The following MAP3K13 variants were observed in gnomAD, a reference collection of about 807,000 sequenced individuals.
MAP3K13 encodes mitogen-activated protein kinase kinase kinase 13, also known as leucine zipper-bearing kinase.
MAP3K13 carries 52 observed loss-of-function variants against 104.0 expected under a neutral mutation model. The observed-to-expected ratio is 0.50, with a 90% CI of 0.40 to 0.63. The LOEUF is 0.63. Ranked by LOEUF, MAP3K13 falls within the 20% of genes least tolerant of loss-of-function variation. The probability of loss-of-function intolerance (pLI) is 0.00; values close to 1 mark genes in which losing one functional copy is unlikely to be tolerated. For synonymous variants in MAP3K13, 394 were observed against 442.2 expected (o/e 0.89, Z 1.37); for missense variants, 914 against 1,218.5 (o/e 0.75, Z 3.72).
chr3:185,301,947 A>G (rs1458359330), intron 2 of MAP3K13, among the ~76,000 whole-genome samples: 1 of 152,160 alleles, frequency 6.6e-6, no homozygotes, highest in Non-Finnish European at 1.5e-5. Context: ...AAGGCTATTC[A>G]GAGCCTTTTG....
chr3:185,402,963 C>G lies in MAP3K13; in HGVS notation c.-85-25534C>G, dbSNP rs376495847. ...CCAGGAGACAAAACGTCCTGAGGTA[C>G]TAGATATATCTGACGCATGCAAAAG... On this transcript the variant is annotated intron_variant, in intron 1 of 13. Coordinates refer to ENST00000265026, the MANE Select transcript of MAP3K13 (RefSeq NM_004721.5). Among the ~76,000 whole-genome samples, 182 of 152,202 alleles carry G rather than the reference C, an allele frequency of 1.2e-3. 1 individual carries two copies. The highest frequency in any genetic ancestry group is 4.0e-3 in the African/African-American group (168 of 41,514).
intron 7 of MAP3K13, 141 bp downstream of exon 7, chr3:185,451,536 T>G: frequency 1.7e-6 from 1 of 604,796 alleles, no homozygotes. Context: ...AATATGATAC[T>G]TCACACATAT....
chr3:185,435,747 G>A (rs1714994386), intron 2 of MAP3K13, among the ~76,000 whole-genome samples: 1 of 152,164 alleles, frequency 6.6e-6, no homozygotes, highest in Admixed American at 6.5e-5. Flanking sequence ...CAATTGTAAT[G>A]AGAAAACATT....
In MAP3K13 at chr3:185,483,553, C is replaced by T. The variant is rs1005662117; in HGVS notation, c.*1097C>T. On this transcript the variant is annotated 3_prime_UTR_variant, in exon 14 of 14. Transcript: ENST00000265026. ...CAGCTACGAGGAGAAGATGGAACCA[C>T]CCCTCTCTGGAGCCAGGTTGCTTGT... 2 of 225,282 alleles carry T rather than the reference C, an allele frequency of 8.9e-6. No individual in the cohort carries two copies. The highest frequency in any genetic ancestry group is 4.5e-5 in the African/African-American group (2 of 44,874). The allele number at this position is 225,282 out of a possible 1,614,324, so 14.0% of individuals were successfully genotyped here. A position where few individuals can be genotyped will look rare whatever the true frequency, so the allele number is the denominator to read the frequency against.
At chr3:185,446,549 C>A (rs1274065629) in intron 4 of MAP3K13, among the ~76,000 whole-genome samples, 6 of 152,178 alleles carry the variant, frequency 3.9e-5, no homozygotes, top group African/African-American at 1.4e-4. Flanking sequence ...CAATTTGGTA[C>A]CGGATTGTAT....
At chr3:185,447,757 T>G in intron 4 of MAP3K13, 32 bp from the exon 5 acceptor site, 1 of 1,549,680 alleles carries the variant, frequency 6.5e-7, no homozygotes, top group Non-Finnish European at 8.8e-7. Context: ...GTACTAATGA[T>G]CCAGATGTTT....
intron 2 of MAP3K13, among the ~76,000 whole-genome samples, chr3:185,327,924 A>G (rs1297407260): frequency 2.7e-5 from 4 of 150,356 alleles, no homozygotes; most frequent in African/African-American, 9.8e-5. Flanking sequence ...AAAAGAAAGA[A>G]AAGAAAGGAA....
chr3:185,415,603 GAC>G (rs1713719091), intron 1 of MAP3K13, among the ~76,000 whole-genome samples: 1 of 75,276 alleles, frequency 1.3e-5, no homozygotes, highest in Admixed American at 1.8e-4. Context: ...TTTTTTTTGA[GAC>G]AGAGTTTTAC....
At chr3:185,335,545 G>A (rs1722468401) in intron 2 of MAP3K13, among the ~76,000 whole-genome samples, 1 of 152,076 alleles carries the variant, frequency 6.6e-6, no homozygotes, top group Non-Finnish European at 1.5e-5. Context: ...TTTCCTTGCT[G>A]CAGGTTCCAT....
chr3:185,388,302 G>A (rs933280017), intron 1 of MAP3K13, among the ~76,000 whole-genome samples: 1 of 152,068 alleles, frequency 6.6e-6, no homozygotes, highest in African/African-American at 2.4e-5. Context: ...TGGAGTTCCA[G>A]ACCAACCTGG....
chr3:185,453,865 A>ACATATATGAGATATATATG (rs1560115693), intron 7 of MAP3K13, among the ~76,000 whole-genome samples: 1 of 6,310 alleles, frequency 1.6e-4, no homozygotes, highest in African/African-American at 2.8e-4. Flanking sequence ...ATATATATAT[A>ACATATATGAGATATATATG]TGATACATAT....
Position 185,465,834 on chromosome 3 carries a change from G to A in MAP3K13, c.1476G>A (p.Gln492=). The change falls in exon 9 of 14, where the codon CAG becomes CAA. Residue 492 remains glutamine, a synonymous_variant. Coordinates refer to ENST00000265026, the MANE Select transcript of MAP3K13 (RefSeq NM_004721.5). ...TGGAATTGAGTGCCATCATGCTGCAGCTAGAAATGCGGGAGAAGGAGCTCA... is the reference window on the plus strand; with the variant it reads ...TGGAATTGAGTGCCATCATGCTGCAACTAGAAATGCGGGAGAAGGAGCTCA... ...LYMELSAIML[Q]LEMREKELIK... is the part of the protein sequence containing the mutation. 6.2e-7 allele frequency: 1 copy of A among 1,613,986 alleles called. No individual in the cohort carries two copies. The highest frequency in any genetic ancestry group is 1.1e-5 in the South Asian group (1 of 91,082).
chr3:185,380,341 T>C (rs1226398611), intron 1 of MAP3K13, among the ~76,000 whole-genome samples: 1 of 151,212 alleles, frequency 6.6e-6, no homozygotes, highest in East Asian at 1.9e-4. Flanking sequence ...TGAAACCCCA[T>C]CTCTACTAAA....
chr3:185,391,687 C>T (rs1268247665), intron 1 of MAP3K13, among the ~76,000 whole-genome samples: 1 of 152,154 alleles, frequency 6.6e-6, no homozygotes, highest in Non-Finnish European at 1.5e-5. Flanking sequence ...ATCATATCTA[C>T]TGTAGCCATT....
upstream of MAP3K13, among the ~76,000 whole-genome samples, chr3:185,359,350 G>T (rs1268345813): frequency 6.6e-6 from 1 of 152,144 alleles, no homozygotes; most frequent in Non-Finnish European, 1.5e-5. Context: ...AACACATGGG[G>T]ATTATGGGAT....
intron 7 of MAP3K13, among the ~76,000 whole-genome samples, chr3:185,459,311 A>T (rs757749445): frequency 2.0e-5 from 3 of 152,040 alleles, no homozygotes; most frequent in Non-Finnish European, 4.4e-5. Context: ...ATTTCCCTCT[A>T]ATAAGCCCCC....
chr3:185,404,813 G>A (rs991013521), intron 1 of MAP3K13, among the ~76,000 whole-genome samples: 3 of 152,110 alleles, frequency 2.0e-5, no homozygotes, highest in Non-Finnish European at 4.4e-5. Flanking sequence ...CTGACCTCAG[G>A]TGATCCGCCC....
At chr3:185,409,996 T>C (rs1713338859) in intron 1 of MAP3K13, among the ~76,000 whole-genome samples, 1 of 152,142 alleles carries the variant, frequency 6.6e-6, no homozygotes, top group African/African-American at 2.4e-5. Flanking sequence ...AGTTAGAGTC[T>C]CATAAGGCGC....
At chr3:185,356,910 T>TATG in intron 2 of MAP3K13, among the ~76,000 whole-genome samples, 2 of 143,476 alleles carry the variant, frequency 1.4e-5, no homozygotes, top group African/African-American at 5.3e-5. Context: ...ATGTATGTAT[T>TATG]TATGTATTGA....
Sources: gnomAD v4.1 joint callset for allele counts (sites outside exome capture counted in the v4.1 genomes callset) on GRCh38, gnomAD v4.1.1 for gene constraint, MANE v1.5 for transcripts, NCBI Gene and HGNC (gene_info 2026-07-23, HGNC 2026-07-21) for gene names.